The following TMOD1 variants were observed in gnomAD, a reference collection of about 807,000 sequenced individuals.
TMOD1 encodes the protein tropomodulin 1, also known as tropomodulin-1.
A neutral mutation model predicts 40.6 loss-of-function variants in TMOD1; 17 were observed. The ratio of observed to expected loss-of-function variants is 0.42; its 90% CI spans 0.29 to 0.63. The LOEUF is 0.63. Among genes scored for constraint, TMOD1 ranks in the 20% least tolerant of loss-of-function variants. TMOD1 has a pLI of 0.22. For missense variants in TMOD1, 391 were observed against 447.6 expected (o/e 0.87, Z 1.14); for synonymous variants, 181 against 175.0 (o/e 1.03, Z -0.27).
chr9:97,597,630 G>A (rs1301373315), intron 9 of TMOD1, among the ~76,000 whole-genome samples: 3 of 144,268 alleles, frequency 2.1e-5, no homozygotes, highest in Admixed American at 7.2e-5. Flanking sequence ...CTCGGGAGGC[G>A]GAGACTGCAG....
At chr9:97,586,545 TC>T (rs1447814694) in intron 8 of TMOD1, among the ~76,000 whole-genome samples, 2 of 152,030 alleles carry the variant, frequency 1.3e-5, no homozygotes, top group Non-Finnish European at 2.9e-5. Context: ...AGTTCGAGCT[TC>T]CCGGCTGCTT....
At chr9:97,586,056 G>A (rs7035111) in intron 8 of TMOD1, among the ~76,000 whole-genome samples, 7 of 151,876 alleles carry the variant, frequency 4.6e-5, no homozygotes, top group African/African-American at 9.7e-5. Flanking sequence ...GAGGAACTGC[G>A]TTCCTTTGGA....
intron 8 of TMOD1, among the ~76,000 whole-genome samples, chr9:97,576,719 C>T (rs903949652): frequency 7.2e-5 from 11 of 151,846 alleles, no homozygotes; most frequent in African/African-American, 1.5e-4. Flanking sequence ...CTGCAAGCTC[C>T]GCCTCCCAGG....
intron 8 of TMOD1, among the ~76,000 whole-genome samples, chr9:97,574,457 C>G (rs1830884765): frequency 2.0e-5 from 3 of 152,232 alleles, no homozygotes; most frequent in Admixed American, 2.0e-4. Context: ...CTGAGCTTCC[C>G]CCACGCCGTG....
chr9:97,595,009 C>T (rs531426578), intron 9 of TMOD1, among the ~76,000 whole-genome samples: 1 of 152,132 alleles, frequency 6.6e-6, no homozygotes, highest in Non-Finnish European at 1.5e-5. Flanking sequence ...TCCTGGGAGT[C>T]ACCATTTTAC....
chr9:97,599,047 G>C (rs1201075796), intron 9 of TMOD1, among the ~76,000 whole-genome samples: 1 of 152,146 alleles, frequency 6.6e-6, no homozygotes, highest in Non-Finnish European at 1.5e-5. Flanking sequence ...TCTCCAGCCT[G>C]CAACCTCCTG....
At chr9:97,577,753 G>A (rs2131278679) in intron 8 of TMOD1, among the ~76,000 whole-genome samples, 1 of 152,214 alleles carries the variant, frequency 6.6e-6, no homozygotes, top group Middle Eastern at 3.4e-3. Flanking sequence ...CTGGGCGACA[G>A]AACAAGACTC....
Position 97,591,313 on chromosome 9 carries a change from T to C in TMOD1, c.893T>C (p.Val298Ala), listed in dbSNP as rs1825994941. The C allele has an allele frequency of 6.2e-7, 1 of 1,613,846 alleles. No individual in the cohort carries two copies. The highest frequency in any genetic ancestry group is 8.5e-7 in the Non-Finnish European group (1 of 1,179,988). The stretch of plus-strand genomic sequence containing the variant: ...AAGAGCCAGCCCCTGGGCAACAAAG[T>C]GGAAATGGAGATTGTGAGCATGTTG... ...DNQSQPLGNK[V>A]EMEIVSMLEK... Residue 298 changes from valine to alanine, a missense_variant, in exon 9 of 10, where the codon GTG becomes GCG. Transcript: ENST00000259365.
intron 8 of TMOD1, among the ~76,000 whole-genome samples, chr9:97,575,010 G>T (rs1191196414): frequency 6.6e-6 from 1 of 152,210 alleles, no homozygotes; most frequent in African/African-American, 2.4e-5. Flanking sequence ...CCAGATAAGA[G>T]AATAAAAGCA....
chr9:97,576,657 G>T lies in TMOD1; in HGVS notation c.870+7620G>T, dbSNP rs1359667670. Among the ~76,000 whole-genome samples the T allele has an allele frequency of 2.4e-4, 36 of 149,962 alleles. 2 individuals are homozygous for T. The highest frequency in any genetic ancestry group is 5.9e-5 in the Non-Finnish European group (4 of 67,656). ...TTTTTTTTTTTTCTTTTTTTGAGAC[G>T]GAGTCTTGCTCTGTTGCCCAGGCTG... On this transcript the variant is annotated intron_variant, in intron 8 of 9. Coordinates refer to ENST00000259365, the MANE Select transcript of TMOD1 (RefSeq NM_003275.4).
chr9:97,512,687 A>G (rs544789574), intron 1 of TMOD1: 2 of 150,772 alleles, frequency 1.3e-5, no homozygotes. Flanking sequence ...CATCCACTAT[A>G]TGTTTCCATA....
At chr9:97,538,413 A>G (rs1178005628) in intron 2 of TMOD1, among the ~76,000 whole-genome samples, 1 of 152,116 alleles carries the variant, frequency 6.6e-6, no homozygotes, top group Non-Finnish European at 1.5e-5. Context: ...AGTGCCTCTC[A>G]TGAATTGACG....
chr9:97,511,722 C>T (rs1316143469), intron 1 of TMOD1, among the ~76,000 whole-genome samples: 1 of 152,208 alleles, frequency 6.6e-6, no homozygotes, highest in Non-Finnish European at 1.5e-5. Flanking sequence ...GTAGCTGGGA[C>T]TACAGGAGTG....
At chr9:97,544,376 A>T (rs975497839) in intron 2 of TMOD1, among the ~76,000 whole-genome samples, 1 of 151,990 alleles carries the variant, frequency 6.6e-6, no homozygotes, top group Admixed American at 6.6e-5. Context: ...TCTTTACTAA[A>T]AATACAAAAA....
At chr9:97,552,583 T>C (rs1006736704) in intron 3 of TMOD1, among the ~76,000 whole-genome samples, 2 of 152,242 alleles carry the variant, frequency 1.3e-5, no homozygotes, top group African/African-American at 4.8e-5. Flanking sequence ...AATATACATA[T>C]GCAATTTCTC....
chr9:97,574,666 T>A (rs113571262), intron 8 of TMOD1, among the ~76,000 whole-genome samples: 21,685 of 152,250 alleles, frequency 0.14, 2,049 homozygotes, highest in Middle Eastern at 0.35. Flanking sequence ...GGAGAATCTT[T>A]ATGTCTGGCT....
At position 97,567,456 on chromosome 9, in the gene TMOD1, C is replaced by T. The variant is rs566325182; in HGVS notation, c.727-1438C>T. On this transcript the variant is annotated intron_variant, in intron 7 of 9. Transcript: ENST00000259365. ...CCCCACCGCCTGCCCTAGCTTTTCT[C>T]CTGGCCCCGGTTCCTCCACTGGGAC... is the stretch of plus-strand genomic sequence containing the variant. 2.0e-3 allele frequency among the ~76,000 whole-genome samples: 298 copies of T among 152,334 alleles called. 3 individuals carry two copies. In the South Asian group the frequency reaches 0.02, roughly 10 times the overall value.
intron 4 of TMOD1, among the ~76,000 whole-genome samples, chr9:97,554,991 C>G (rs1185620177): frequency 8.3e-6 from 1 of 120,460 alleles, no homozygotes; most frequent in African/African-American, 3.1e-5. Flanking sequence ...TCCAGACAGC[C>G]CTTTCCTCAG....
chr9:97,518,162 T>C (rs1256664962), intron 1 of TMOD1, among the ~76,000 whole-genome samples: 1 of 152,182 alleles, frequency 6.6e-6, no homozygotes, highest in Non-Finnish European at 1.5e-5. Flanking sequence ...AAGCTGCACC[T>C]GTGAATGTGA....
Sources: gnomAD v4.1 joint callset for allele counts (sites outside exome capture counted in the v4.1 genomes callset) on GRCh38, gnomAD v4.1.1 for gene constraint, MANE v1.5 for transcripts, NCBI Gene and HGNC (gene_info 2026-07-23, HGNC 2026-07-21) for gene names.